Variants in RB1 observed in about 807,000 individuals in gnomAD.
RB1 encodes retinoblastoma-associated protein.
Under a neutral mutation model 135.4 loss-of-function variants are expected in RB1, and 18 were observed. The observed-to-expected ratio is 0.13, with a 90% CI of 0.09 to 0.20. The LOEUF is 0.20. Among genes scored for constraint, RB1 ranks in the 10% least tolerant of loss-of-function variants. RB1 has a pLI of 1.00. For synonymous variants in RB1, 365 were observed against 373.2 expected (o/e 0.98, Z 0.25); for missense variants, 868 against 1,110.0 (o/e 0.78, Z 3.10).
intron 17 of RB1, chr13:48,412,352 G>A: frequency 6.2e-7 from 1 of 1,613,592 alleles, no homozygotes; most frequent in Admixed American, 1.7e-5. Flanking sequence ...ACACCATGCT[G>A]AACATGCACC....
chr13:48,443,750 C>T (rs1795495119), intron 17 of RB1, among the ~76,000 whole-genome samples: 1 of 152,130 alleles, frequency 6.6e-6, no homozygotes, highest in South Asian at 2.1e-4. Context: ...TTAAATTTTC[C>T]ATCTTAGGCA....
intron 4 of RB1, among the ~76,000 whole-genome samples, chr13:48,347,210 A>G (rs1365788009): frequency 6.6e-6 from 1 of 152,108 alleles, no homozygotes; most frequent in Non-Finnish European, 1.5e-5. Flanking sequence ...GTCAGAGAAA[A>G]AACCATAGAA....
intron 8 of RB1, among the ~76,000 whole-genome samples, chr13:48,363,176 A>G (rs1952659108): frequency 6.6e-6 from 1 of 151,972 alleles, no homozygotes; most frequent in South Asian, 2.1e-4. Flanking sequence ...TGAAAAGTAT[A>G]TAATCAAGAC....
chr13:48,315,005 T>C (rs1164383237), intron 2 of RB1, among the ~76,000 whole-genome samples: 1 of 152,178 alleles, frequency 6.6e-6, no homozygotes, highest in Non-Finnish European at 1.5e-5. Context: ...CCTTGACTAT[T>C]CGGGCTCTTT....
At chr13:48,395,000 C>T (rs1948636916) in intron 17 of RB1, among the ~76,000 whole-genome samples, 1 of 152,164 alleles carries the variant, frequency 6.6e-6, no homozygotes, top group Non-Finnish European at 1.5e-5. Flanking sequence ...AGGAGAGTTC[C>T]AGCTGCCATC....
chr13:48,330,790 A>T (rs1952327394), intron 2 of RB1, among the ~76,000 whole-genome samples: 1 of 152,176 alleles, frequency 6.6e-6, no homozygotes. Flanking sequence ...ACACTTCCAA[A>T]CTCATTTAAC....
intron 6 of RB1, among the ~76,000 whole-genome samples, chr13:48,354,319 A>T (rs539726089): frequency 7.9e-5 from 12 of 152,192 alleles, no homozygotes; most frequent in African/African-American, 2.4e-4. Flanking sequence ...AAATTTAAAA[A>T]GTAGTCCTGT....
chr13:48,336,915 A>C (rs1341144097), intron 2 of RB1, among the ~76,000 whole-genome samples: 1 of 152,106 alleles, frequency 6.6e-6, no homozygotes, highest in African/African-American at 2.4e-5. Context: ...GAACATCTTT[A>C]TTTCTGCCTT....
chr13:48,313,018 T>C (rs1386321459), intron 2 of RB1, among the ~76,000 whole-genome samples: 1 of 152,178 alleles, frequency 6.6e-6, no homozygotes, highest in East Asian at 1.9e-4. Flanking sequence ...TATTTGTAGT[T>C]CTTCATGGTC....
chr13:48,353,712 G>C (rs1952568141), intron 6 of RB1, among the ~76,000 whole-genome samples: 1 of 151,978 alleles, frequency 6.6e-6, no homozygotes, highest in Non-Finnish European at 1.5e-5. Flanking sequence ...CTAGCAAACT[G>C]AATTCAATAA....
chr13:48,332,405 C>T (rs1259419950), intron 2 of RB1, among the ~76,000 whole-genome samples: 7 of 152,018 alleles, frequency 4.6e-5, no homozygotes, highest in East Asian at 1.9e-4. Flanking sequence ...CCCATCTCTA[C>T]GAAAAATTAA....
rs375155984 is a variant in RB1, at chr13:48,477,303, G to C, written c.2664-52G>C. ...AGCATCATAGTTACTGGAAATTTGA[G>C]TTTTCCATTTATAAATACACATGAA... is the stretch of plus-strand genomic sequence containing the variant. On this transcript the variant is annotated intron_variant, in intron 25 of 26. Transcript: ENST00000267163. The C allele has an allele frequency of 3.6e-6, 5 of 1,382,212 alleles. No individual in the cohort carries two copies. The African/African-American group carries it at 7.1e-5, about 20-fold the overall frequency. The allele number at this position is 1,382,212 out of a possible 1,614,324, so 85.6% of individuals were successfully genotyped here.
intron 17 of RB1, among the ~76,000 whole-genome samples, chr13:48,396,250 T>C (rs1008401168): frequency 1.3e-5 from 2 of 152,040 alleles, no homozygotes; most frequent in South Asian, 4.2e-4. Context: ...CAAACTATAC[T>C]ACAAGGCCAC....
chr13:48,454,857 A>G (rs1781624129), intron 18 of RB1, among the ~76,000 whole-genome samples: 1 of 152,256 alleles, frequency 6.6e-6, no homozygotes. Flanking sequence ...AGGAACAGAA[A>G]GAAAGAAATC....
chr13:48,461,142 T>C (rs997932871), intron 20 of RB1, among the ~76,000 whole-genome samples: 6 of 151,884 alleles, frequency 4.0e-5, no homozygotes, highest in Non-Finnish European at 2.9e-5. Context: ...AGAAAGAAAC[T>C]CCATACCCTC....
At chr13:48,372,439 C>T (rs1952768543) in intron 11 of RB1, among the ~76,000 whole-genome samples, 1 of 152,064 alleles carries the variant, frequency 6.6e-6, no homozygotes, top group Non-Finnish European at 1.5e-5. Flanking sequence ...GGGCGGATCA[C>T]CTGAGGACAG....
intron 17 of RB1, among the ~76,000 whole-genome samples, chr13:48,438,352 C>G (rs12583644): frequency 0.018 from 2,764 of 152,142 alleles, 75 homozygotes; most frequent in African/African-American, 0.059. Flanking sequence ...TCTTCTCTTG[C>G]TTCTGAGCAC....
intron 17 of RB1, among the ~76,000 whole-genome samples, chr13:48,425,512 A>G (rs992870407): frequency 4.7e-4 from 71 of 152,292 alleles, no homozygotes; most frequent in African/African-American, 1.5e-3. Flanking sequence ...AGACGCTGCA[A>G]AGTGTAATGA....
At chr13:48,389,050 C>T (rs1948592563) in intron 17 of RB1, among the ~76,000 whole-genome samples, 1 of 151,994 alleles carries the variant, frequency 6.6e-6, no homozygotes, top group African/African-American at 2.4e-5. Context: ...ATTCTAGCTA[C>T]TCGGGAGGCT....
Sources: allele counts gnomAD v4.1 joint callset (sites outside exome capture counted in the v4.1 genomes callset), GRCh38; gene constraint gnomAD v4.1.1; transcripts MANE v1.5; gene names NCBI Gene and HGNC (gene_info 2026-07-23, HGNC 2026-07-21).